The following NCL variants were observed in gnomAD, a reference collection of about 807,000 sequenced individuals.
The protein encoded by NCL is nucleolin multifunctional protein.
Under a neutral mutation model 77.7 loss-of-function variants are expected in NCL, and 4 were observed. The observed-to-expected ratio is 0.05, with a 90% CI of 0.03 to 0.12. The LOEUF is 0.12. Among genes scored for constraint, NCL ranks in the 10% least tolerant of loss-of-function variants. NCL has a pLI of 1.00. For missense variants in NCL, 763 were observed against 860.9 expected (o/e 0.89, Z 1.42); for synonymous variants, 344 against 297.8 (o/e 1.16, Z -1.60).
chr2:231,462,725 AAC>A (rs2046964208), intron 2 of NCL, among the ~76,000 whole-genome samples: 1 of 152,100 alleles, frequency 6.6e-6, no homozygotes, highest in Non-Finnish European at 1.5e-5. Flanking sequence ...GGTCAATGGT[AAC>A]ACAAAGAGAG....
chr2:231,461,576 C>G lies in NCL; in HGVS notation c.577G>C (p.Glu193Gln). The change falls in exon 3 of 14, where the codon GAA (glutamate) becomes CAA (glutamine). Residue 193 changes from glutamate (E) to glutamine (Q), a missense_variant. Glu to Gln is a conservative substitution (Grantham distance 29). Transcript: ENST00000322723. ...TCGTCATCGTCATCCTCATCATCTTCGTCATCCTCATCGTCCTCATCCTCT... is the reference window on the plus strand; with the variant it reads ...TCGTCATCGTCATCCTCATCATCTTGGTCATCCTCATCGTCCTCATCCTCT... ...ASEDEDDEDD[E>Q]DDEDDDDDEE... The G allele has an allele frequency of 6.2e-7, 1 of 1,613,402 alleles. No homozygotes were observed. The highest frequency in any genetic ancestry group is 2.2e-5 in the East Asian group (1 of 44,884).
rs764117846 is a variant in NCL at position 231,462,015 on chromosome 2, G to A, written c.138C>T (p.Val46=). 10 of 1,613,492 alleles carry A rather than the reference G, an allele frequency of 6.2e-6. No individual in the cohort carries two copies. Among genetic ancestry groups the A allele is most frequent in the African/African-American group, 2.7e-5 (2 of 74,886 alleles). ...DEEDDSSGEE[V]VIPQKKGKKA... is the part of the protein sequence containing the mutation. ...TCTTGCCTTTCTTCTGAGGTATGAC[G>A]ACCTTGAGAATAAATGAAAACCAAA... The change falls in exon 3 of 14, where the codon GTC becomes GTT. Residue 46 remains valine, a splice_region_variant and synonymous_variant. Transcript: ENST00000322723.
intron 3 of NCL, 93 bp from the exon 4 acceptor site, chr2:231,460,959 T>C: frequency 1.9e-6 from 2 of 1,052,052 alleles, no homozygotes; most frequent in Admixed American, 1.8e-5. Context: ...CCTGTCACCA[T>C]GTTTAGTTAA....
At chr2:231,458,632 G>A (rs1300192806) in intron 7 of NCL, 3 of 515,330 alleles carry the variant, frequency 5.8e-6, no homozygotes, top group Non-Finnish European at 1.0e-5. Context: ...TAGAGTAGAC[G>A]CGCATAACAA....
intron 9 of NCL, 23 bp from the exon 10 acceptor site, chr2:231,457,147 C>T: frequency 6.2e-7 from 1 of 1,613,148 alleles, no homozygotes; most frequent in Non-Finnish European, 8.5e-7. Flanking sequence ...ATGCCACATT[C>T]CTAAGACTCT....
rs769834198 is a variant in NCL at position 231,455,260 on chromosome 2, T to A, written c.2064A>T (p.Gly688=). The change falls in exon 14 of 14, where the codon GGA becomes GGT. Residue 688 remains glycine, a synonymous_variant. Transcript: ENST00000322723. The part of the protein sequence containing the change: ...GRGRGGFGGR[G]GFRGGRGGGG... ...CTCCTCCTCTGCCTCCTCGGAAGCCTCCTCGCCCTACAGGAGGAAGGCAAG... is the reference window on the plus strand; with the variant it reads ...CTCCTCCTCTGCCTCCTCGGAAGCCACCTCGCCCTACAGGAGGAAGGCAAG... 1 of 1,613,970 alleles carries A rather than the reference T, an allele frequency of 6.2e-7. No individual in the cohort carries two copies. Among genetic ancestry groups the A allele is most frequent in the African/African-American group, 1.3e-5 (1 of 74,900 alleles).
chr2:231,463,665 G>C (rs144688638), intron 1 of NCL: 3 of 237,048 alleles, frequency 1.3e-5, no homozygotes, highest in African/African-American at 2.3e-5. Context: ...CCAAATTAAC[G>C]GTGAAGATCA....
chr2:231,456,529 T>C, intron 11 of NCL, 102 bp downstream of exon 11: 1 of 1,521,048 alleles, frequency 6.6e-7, no homozygotes, highest in Non-Finnish European at 9.1e-7. Flanking sequence ...ATCCAGTTAT[T>C]GTTCACTCAG....
At chr2:231,462,818 G>A (rs533340341) in intron 2 of NCL, among the ~76,000 whole-genome samples, 10 of 152,266 alleles carry the variant, frequency 6.6e-5, no homozygotes, top group Admixed American at 1.3e-4. Flanking sequence ...ATGGAATGGA[G>A]ACCAATTAAT....
chr2:231,463,052 T>A (rs1489514411), intron 2 of NCL, 148 bp downstream of exon 2: 2 of 641,440 alleles, frequency 3.1e-6, no homozygotes, highest in Non-Finnish European at 5.4e-6. Context: ...CATCTTGACA[T>A]GTCAATGAAG....
chr2:231,455,971 C>A (rs747845005), intron 12 of NCL, 39 bp downstream of exon 12: 3 of 1,614,000 alleles, frequency 1.9e-6, no homozygotes, highest in Non-Finnish European at 2.5e-6. Flanking sequence ...AACAAAAACC[C>A]CTTCAAGTGG....
At position 231,461,604 on chromosome 2, in the gene NCL, G is replaced by A. The variant is rs1225859149; in HGVS notation, c.549C>T (p.Ala183=). The A allele has an allele frequency of 6.2e-7, 1 of 1,609,758 alleles. No homozygotes were observed. The highest frequency in any genetic ancestry group is 1.7e-5 in the Admixed American group (1 of 60,010). The change falls in exon 3 of 14, where the codon GCC becomes GCT. Residue 183 remains alanine (A), a synonymous_variant. Transcript: ENST00000322723. The stretch of plus-strand genomic sequence containing the variant: ...CATCCTCATCGTCCTCATCCTCTGA[G>A]GCAGGGGCAGCAGCTGCTGCTTTCA... ...AAMKAAAAAP[A]SEDEDDEDDE...
chr2:231,459,187 A>G (rs1293076130), intron 6 of NCL, 62 bp from the exon 7 acceptor site: 2 of 1,470,662 alleles, frequency 1.4e-6, no homozygotes, highest in Non-Finnish European at 1.8e-6. Context: ...AATCCACAAT[A>G]TGTATTCTAG....
intron 2 of NCL, 156 bp downstream of exon 2, chr2:231,463,044 T>C (rs111917639): frequency 2.1e-5 from 13 of 626,302 alleles, no homozygotes; most frequent in Admixed American, 9.5e-5. Context: ...CCAAATGACA[T>C]CTTGACATGT....
rs1378733974 is a variant in NCL at position 231,464,478 on chromosome 2, C to G, written c.-125G>C. On this transcript the variant is annotated 5_prime_UTR_variant, in exon 1 of 14. Coordinates refer to ENST00000322723, the MANE Select transcript of NCL (RefSeq NM_005381.3). ...GTACACCCGAAGGCCAGCGAGAGCT[C>G]GAGACTGAGGCGAAAGACTGAGCCT... The G allele has an allele frequency of 7.3e-7, 1 of 1,361,960 alleles. No individual in the cohort carries two copies. The highest frequency in any genetic ancestry group is 1.4e-5 in the African/African-American group (1 of 69,086). The allele number at this position is 1,361,960 out of a possible 1,614,324, so 84.4% of individuals were successfully genotyped here.
At chr2:231,455,804 G>T (rs761322233) in intron 12 of NCL, 180 bp from the exon 13 acceptor site, 6 of 1,135,642 alleles carry the variant, frequency 5.3e-6, no homozygotes, top group Non-Finnish European at 8.0e-6. Flanking sequence ...ACCCCAGAAT[G>T]TCTCACAATA....
Position 231,455,004 on chromosome 2 carries a change from T to C in NCL, c.*187A>G. 5.0e-6 allele frequency: 3 copies of C among 596,806 alleles called. No homozygotes were observed. The highest frequency in any genetic ancestry group is 8.8e-6 in the Non-Finnish European group (3 of 340,144). 37.0% of individuals were successfully genotyped at this position (596,806 alleles called of 1,614,324 possible). ...ATCACTCAACTCTTTAAAAAGTTTATATGAATATCCAGTCAAAACCAACAC... is the reference window on the plus strand; with the variant it reads ...ATCACTCAACTCTTTAAAAAGTTTACATGAATATCCAGTCAAAACCAACAC... On this transcript the variant is annotated 3_prime_UTR_variant, in exon 14 of 14. Coordinates refer to ENST00000322723, the MANE Select transcript of NCL (RefSeq NM_005381.3).
intron 2 of NCL, 195 bp downstream of exon 2, chr2:231,463,005 T>C (rs2046966503): frequency 1.8e-6 from 1 of 554,470 alleles, no homozygotes; most frequent in Non-Finnish European, 3.2e-6. Flanking sequence ...TTCCCAGATC[T>C]CGTCTTACAC....
In NCL at chr2:231,455,053, T is replaced by C. The variant is rs901179276; in HGVS notation, c.*138A>G. The C allele has an allele frequency of 1.5e-5, 14 of 910,746 alleles. No homozygotes were observed. Among genetic ancestry groups the C allele is most frequent in the Non-Finnish European group, 2.2e-5 (13 of 584,544 alleles). 56.4% of individuals were successfully genotyped at this position (910,746 alleles called of 1,614,324 possible). A position where few individuals can be genotyped will look rare whatever the true frequency, so the allele number is the denominator to read the frequency against. ...ACGGTATTGCCCTTGAAATGTTAAC[T>C]AGACGGATTTCCAAGGAGACCACAG... On this transcript the variant is annotated 3_prime_UTR_variant, in exon 14 of 14. Coordinates refer to ENST00000322723, the MANE Select transcript of NCL (RefSeq NM_005381.3).
Sources: allele counts gnomAD v4.1 joint callset (sites outside exome capture counted in the v4.1 genomes callset), GRCh38; gene constraint gnomAD v4.1.1; transcripts MANE v1.5; gene names NCBI Gene and HGNC (gene_info 2026-07-23, HGNC 2026-07-21).